The following TRABD2B variants were observed in gnomAD, a reference collection of about 807,000 sequenced individuals.
TRABD2B encodes metalloprotease TIKI2.
Under a neutral mutation model 40.1 loss-of-function variants are expected in TRABD2B, and 14 were observed. That is an observed-to-expected ratio of 0.35 (90% confidence interval 0.23 to 0.55). The LOEUF is 0.55. Ranked by LOEUF, TRABD2B falls within the 20% of genes least tolerant of loss-of-function variation. TRABD2B has a pLI of 0.90. For synonymous variants in TRABD2B, 263 were observed against 277.0 expected (o/e 0.95, Z 0.50); for missense variants, 541 against 648.6 (o/e 0.83, Z 1.80).
intron 2 of TRABD2B, among the ~76,000 whole-genome samples, chr1:47,969,644 T>C (rs919597198): frequency 6.6e-6 from 1 of 152,156 alleles, no homozygotes; most frequent in Non-Finnish European, 1.5e-5. Flanking sequence ...GTCAGTGACC[T>C]AGAACATATA....
chr1:47,929,776 C>T (rs930314398), intron 2 of TRABD2B, among the ~76,000 whole-genome samples: 1 of 152,188 alleles, frequency 6.6e-6, no homozygotes, highest in Non-Finnish European at 1.5e-5. Context: ...GCAATGCACA[C>T]TAAACCTGGT....
chr1:47,995,630 A>T (rs1259964669), intron 1 of TRABD2B, among the ~76,000 whole-genome samples: 2 of 152,144 alleles, frequency 1.3e-5, no homozygotes, highest in African/African-American at 2.4e-5. Flanking sequence ...CAACCAGAAA[A>T]ATCCCTGGAG....
chr1:47,800,595 A>G (rs537634348), intron 3 of TRABD2B, among the ~76,000 whole-genome samples: 1 of 152,316 alleles, frequency 6.6e-6, no homozygotes, highest in East Asian at 1.9e-4. Context: ...AAGTCCACGC[A>G]ATGTCCTGAG....
At chr1:47,897,740 C>G (rs1344400406) in intron 2 of TRABD2B, among the ~76,000 whole-genome samples, 2 of 152,110 alleles carry the variant, frequency 1.3e-5, no homozygotes, top group Non-Finnish European at 2.9e-5. Context: ...ATCTGACCTG[C>G]CCCTGCCCAG....
chr1:47,765,767 TAG>T lies in TRABD2B; in HGVS notation c.*133_*134del. ...ATGTAACTTGGGTACAGTAAAGCTC[TAG>T]AGTGTCTAGCCAATCCCATGTGGAC... is the stretch of plus-strand genomic sequence containing the variant. On this transcript the variant is annotated 3_prime_UTR_variant, in exon 7 of 7. Transcript: ENST00000606738. 1.4e-6 allele frequency: 1 copy of T among 695,742 alleles called. No homozygotes were observed. Among genetic ancestry groups the T allele is most frequent in the South Asian group, 1.5e-5 (1 of 65,716 alleles). 43.1% of individuals were successfully genotyped at this position (695,742 alleles called of 1,614,324 possible).
At chr1:47,888,402 G>C (rs902155563) in intron 2 of TRABD2B, among the ~76,000 whole-genome samples, 2 of 152,292 alleles carry the variant, frequency 1.3e-5, no homozygotes, top group African/African-American at 4.8e-5. Flanking sequence ...AGTGCCCTTG[G>C]GACCCTGGGA....
rs114815513 is a variant in TRABD2B at position 47,915,240 on chromosome 1, T to C, written c.666+78794A>G. Among the ~76,000 whole-genome samples the C allele has an allele frequency of 8.3e-3, 1,270 of 152,274 alleles. 13 individuals are homozygous for C. The highest frequency in any genetic ancestry group is 0.034 in the Middle Eastern group (10 of 294). ...GGAGGTGCAAGAGAGGGGTGACCTA[T>C]GCAGGAGACTAGAAGCAACTCCAGA... On this transcript the variant is annotated intron_variant, in intron 2 of 6. Transcript: ENST00000606738.
intron 2 of TRABD2B, among the ~76,000 whole-genome samples, chr1:47,900,210 G>A (rs1644581333): frequency 6.6e-6 from 1 of 152,126 alleles, no homozygotes; most frequent in Non-Finnish European, 1.5e-5. Flanking sequence ...TGTTGTTGGA[G>A]GGACTGTTGG....
At chr1:47,922,124 C>T (rs898797311) in intron 2 of TRABD2B, among the ~76,000 whole-genome samples, 4 of 152,074 alleles carry the variant, frequency 2.6e-5, no homozygotes, top group Non-Finnish European at 2.9e-5. Context: ...GTTTAGCCAG[C>T]GGGATGATTA....
chr1:47,949,738 C>T (rs1167444670), intron 2 of TRABD2B, among the ~76,000 whole-genome samples: 2 of 151,924 alleles, frequency 1.3e-5, no homozygotes, highest in African/African-American at 2.4e-5. Flanking sequence ...TATGGTTCTT[C>T]GGATCTGTGT....
intron 2 of TRABD2B, among the ~76,000 whole-genome samples, chr1:47,929,671 T>A (rs1331792023): frequency 6.6e-6 from 1 of 152,166 alleles, no homozygotes; most frequent in East Asian, 1.9e-4. Context: ...GGCCTTCACT[T>A]TGCATGCTCA....
At position 47,971,148 on chromosome 1, in the gene TRABD2B, A is replaced by G. The variant is rs1302383566; in HGVS notation, c.666+22886T>C. On this transcript the variant is annotated intron_variant, in intron 2 of 6. Coordinates refer to ENST00000606738, the MANE Select transcript of TRABD2B (RefSeq NM_001194986.2). Reference sequence around the variant, plus strand: ...AAGGCCTGGCTTGTATCATAGGTACACATCCTACTTTCTGAGAGACTTAGA... The same window carrying G: ...AAGGCCTGGCTTGTATCATAGGTACGCATCCTACTTTCTGAGAGACTTAGA... Among the ~76,000 whole-genome samples the G allele has an allele frequency of 3.9e-5, 6 of 152,332 alleles. No individual in the cohort carries two copies. In the East Asian group the frequency reaches 1.2e-3, roughly 29 times the overall value.
intron 2 of TRABD2B, among the ~76,000 whole-genome samples, chr1:47,809,806 T>TGGGAGCA (rs1644939313): frequency 6.6e-6 from 1 of 152,244 alleles, no homozygotes; most frequent in South Asian, 2.1e-4. Flanking sequence ...GGCTCTGGGC[T>TGGGAGCA]GGGAGCAGGG....
At chr1:47,934,328 C>T (rs2148347069) in intron 2 of TRABD2B, among the ~76,000 whole-genome samples, 1 of 152,326 alleles carries the variant, frequency 6.6e-6, no homozygotes, top group Non-Finnish European at 1.5e-5. Flanking sequence ...GAGTCCTCCC[C>T]ATTCCCACAC....
intron 6 of TRABD2B, among the ~76,000 whole-genome samples, chr1:47,768,020 T>A (rs1644328385): frequency 6.6e-6 from 1 of 152,206 alleles, no homozygotes; most frequent in African/African-American, 2.4e-5. Context: ...TGACTCCACA[T>A]GGGCTCTTGG....
rs892027539 is a variant in TRABD2B at position 47,761,486 on chromosome 1, T to C, written c.*4416A>G. 1 of 152,000 alleles carries C rather than the reference T, an allele frequency of 6.6e-6. No homozygotes were observed. Among genetic ancestry groups the C allele is most frequent in the East Asian group, 1.9e-4 (1 of 5,172 alleles). The allele number at this position is 152,000 out of a possible 1,614,324, so 9.4% of individuals were successfully genotyped here. A position where few individuals can be genotyped will look rare whatever the true frequency, so the allele number is the denominator to read the frequency against. On this transcript the variant is annotated 3_prime_UTR_variant, in exon 7 of 7. Transcript: ENST00000606738. ...TCATTGAAGGGGGCGCTGTGAGGGGTGGTGGTGGTTGTGGGTGGAGTGGGG... is the reference window on the plus strand; with the variant it reads ...TCATTGAAGGGGGCGCTGTGAGGGGCGGTGGTGGTTGTGGGTGGAGTGGGG...
chr1:47,895,672 T>G (rs1193932574), intron 2 of TRABD2B, among the ~76,000 whole-genome samples: 1 of 152,190 alleles, frequency 6.6e-6, no homozygotes, highest in Non-Finnish European at 1.5e-5. Flanking sequence ...TCACTCCTCA[T>G]TTATTTTCAA....
intron 2 of TRABD2B, among the ~76,000 whole-genome samples, chr1:47,878,574 C>A (rs1162950429): frequency 2.0e-5 from 3 of 152,130 alleles, no homozygotes; most frequent in Non-Finnish European, 4.4e-5. Context: ...AAAAAGCAGG[C>A]ACAATCAAGC....
intron 2 of TRABD2B, among the ~76,000 whole-genome samples, chr1:47,956,182 C>T (rs1022894642): frequency 6.6e-6 from 1 of 152,148 alleles, no homozygotes; most frequent in African/African-American, 2.4e-5. Context: ...GAAACCCACC[C>T]ACCACATAAG....
Sources: allele counts gnomAD v4.1 joint callset (sites outside exome capture counted in the v4.1 genomes callset), GRCh38; gene constraint gnomAD v4.1.1; transcripts MANE v1.5; gene names NCBI Gene and HGNC (gene_info 2026-07-23, HGNC 2026-07-21).